Variants in AGBL3 observed in about 807,000 individuals in gnomAD.
AGBL3 encodes the protein cytosolic carboxypeptidase 3.
In AGBL3, 68 loss-of-function variants were observed where a neutral mutation model predicts 94.5. The observed-to-expected ratio is 0.72, with a 90% confidence interval of 0.59 to 0.88. The LOEUF is 0.88. Among genes scored for constraint, AGBL3 ranks in the 40% least tolerant of loss-of-function variants. The pLI is 0.00. For synonymous variants in AGBL3, 354 were observed against 370.7 expected (o/e 0.95, Z 0.52); for missense variants, 934 against 1,103.8 (o/e 0.85, Z 2.18).
In AGBL3 at chr7:135,037,586, C is replaced by A; in HGVS notation, c.1500+6C>A. 1 of 1,533,606 alleles carries A rather than the reference C, an allele frequency of 6.5e-7. No homozygotes were observed. The highest frequency in any genetic ancestry group is 8.8e-7 in the Non-Finnish European group (1 of 1,139,316). The allele number at this position is 1,533,606 out of a possible 1,614,324, so 95.0% of individuals were successfully genotyped here. A position where few individuals can be genotyped will look rare whatever the true frequency, so the allele number is the denominator to read the frequency against. On this transcript the variant is annotated splice_donor_region_variant and intron_variant, in intron 8 of 16. Transcript: ENST00000436302. ...GCAAAAATTGTCCAGATAAAGTAAG[C>A]ACCTTTTAAGGTATTAACTTTTCCT...
chr7:135,000,580 G>A (rs1357842085), intron 4 of AGBL3, among the ~76,000 whole-genome samples: 1 of 152,146 alleles, frequency 6.6e-6, no homozygotes, highest in African/African-American at 2.4e-5. Context: ...AGACTTCTCA[G>A]TCTCCATAAT....
intron 12 of AGBL3, among the ~76,000 whole-genome samples, chr7:135,061,939 A>G (rs1818871693): frequency 6.6e-6 from 1 of 152,094 alleles, no homozygotes; most frequent in African/African-American, 2.4e-5. Flanking sequence ...ATTTTGATAG[A>G]GATTGTATTG....
intron 12 of AGBL3, among the ~76,000 whole-genome samples, chr7:135,068,553 A>G (rs1339699592): frequency 1.3e-5 from 2 of 152,244 alleles, no homozygotes; most frequent in Non-Finnish European, 2.9e-5. Context: ...GAAACTCTAC[A>G]AGCCAGAAGA....
At chr7:135,030,055 T>C (rs556375051) in intron 5 of AGBL3, among the ~76,000 whole-genome samples, 1 of 151,690 alleles carries the variant, frequency 6.6e-6, no homozygotes, top group South Asian at 2.1e-4. Context: ...GAAAAAGTTT[T>C]AAATGTTGTG....
rs962368834 is a variant in AGBL3, at chr7:135,129,050, A to G, written c.2343-5791A>G. Reference sequence around the variant, plus strand: ...TCCAGATCAGAGATGGCCAGGTTCAATGCCTCAACTGCCCAGAACCAAAGT... The same window carrying G: ...TCCAGATCAGAGATGGCCAGGTTCAGTGCCTCAACTGCCCAGAACCAAAGT... On this transcript the variant is annotated intron_variant, in intron 16 of 16. Transcript: ENST00000436302. 8.7e-6 allele frequency: 14 copies of G among 1,608,776 alleles called. No homozygotes were observed. The African/African-American group carries it at 1.9e-4, about 21-fold the overall frequency.
chr7:135,055,867 A>G (rs994643121), intron 11 of AGBL3, among the ~76,000 whole-genome samples: 1 of 152,180 alleles, frequency 6.6e-6, no homozygotes, highest in African/African-American at 2.4e-5. Flanking sequence ...AGAATCCACA[A>G]TAAACCATCT....
At chr7:135,042,929 G>C (rs1157125905) in intron 8 of AGBL3, among the ~76,000 whole-genome samples, 1 of 151,916 alleles carries the variant, frequency 6.6e-6, no homozygotes, top group African/African-American at 2.4e-5. Context: ...AAAACAAAAA[G>C]ATGCATAGAA....
chr7:135,033,688 T>G (rs1481671102), intron 6 of AGBL3, among the ~76,000 whole-genome samples: 1 of 152,222 alleles, frequency 6.6e-6, no homozygotes, highest in Non-Finnish European at 1.5e-5. Context: ...GATCAAATTA[T>G]GTAATCTATG....
rs1458460890 is a variant in AGBL3, at chr7:135,034,746, A to C, written c.1155A>C (p.Ser385=). 1 of 1,551,306 alleles carries C rather than the reference A, an allele frequency of 6.4e-7. No individual in the cohort carries two copies. The change falls in exon 7 of 17, where the codon TCA becomes TCC. Residue 385 remains serine, a synonymous_variant. Coordinates refer to ENST00000436302, the MANE Select transcript of AGBL3 (RefSeq NM_178563.4). ...KGFLDYILGN[S]SDAQLLRDTF... ...TCCTAGATTATATTTTAGGAAACTC[A>C]AGTGATGCACAGTTGCTTCGGGACA... is the stretch of plus-strand genomic sequence containing the variant.
At chr7:134,996,202 A>G (rs1394041900) in intron 4 of AGBL3, among the ~76,000 whole-genome samples, 1 of 152,150 alleles carries the variant, frequency 6.6e-6, no homozygotes, top group African/African-American at 2.4e-5. Flanking sequence ...CAGGGGCCTT[A>G]TTCACACACA....
Position 135,134,877 on chromosome 7 carries a change from C to T in AGBL3, c.2379C>T (p.Tyr793=), listed in dbSNP as rs1829264854. 1 of 1,550,700 alleles carries T rather than the reference C, an allele frequency of 6.4e-7. No homozygotes were observed. ...NPATCRNIKK[Y]STSWTAPRNH... is the part of the protein sequence containing the mutation. ...CTACTTGCAGAAATATAAAGAAATA[C>T]AGCACATCTTGGACAGCACCCAGAA... Residue 793 remains tyrosine (Y), a synonymous_variant, in exon 17 of 17, where the codon TAC becomes TAT. Coordinates refer to ENST00000436302, the MANE Select transcript of AGBL3 (RefSeq NM_178563.4).
chr7:134,997,157 C>T (rs181337210), intron 4 of AGBL3, among the ~76,000 whole-genome samples: 1 of 152,322 alleles, frequency 6.6e-6, no homozygotes, highest in East Asian at 1.9e-4. Flanking sequence ...GGAGCACACA[C>T]AACCTAGATC....
chr7:135,119,736 G>A (rs1226145065), intron 16 of AGBL3, among the ~76,000 whole-genome samples: 5 of 152,046 alleles, frequency 3.3e-5, no homozygotes, highest in African/African-American at 1.2e-4. Flanking sequence ...AATTAGCTGG[G>A]CGTGGCAGCG....
chr7:135,119,926 C>T (rs547273572), intron 16 of AGBL3, among the ~76,000 whole-genome samples: 183 of 152,246 alleles, frequency 1.2e-3, no homozygotes, highest in African/African-American at 4.3e-3. Flanking sequence ...TGACACCTTT[C>T]CTACAGAGGA....
At chr7:135,081,951 C>A (rs1214550276) in intron 15 of AGBL3, among the ~76,000 whole-genome samples, 161 bp downstream of exon 15, 2 of 152,120 alleles carry the variant, frequency 1.3e-5, no homozygotes, top group Admixed American at 6.5e-5. Context: ...AAAGAATATT[C>A]ATCTCATTGT....
intron 16 of AGBL3, among the ~76,000 whole-genome samples, chr7:135,118,084 C>A (rs1826583520): frequency 6.6e-6 from 1 of 152,200 alleles, no homozygotes; most frequent in Admixed American, 6.5e-5. Flanking sequence ...TTCCTGAAGC[C>A]TGGCTGAATT....
At chr7:135,096,353 A>G (rs909268152) in intron 15 of AGBL3, among the ~76,000 whole-genome samples, 22 of 149,680 alleles carry the variant, frequency 1.5e-4, no homozygotes, top group Non-Finnish European at 4.4e-5. Context: ...GAAAGAAAGA[A>G]AGAGAGAGAC....
At chr7:135,053,834 A>G (rs1454764877) in intron 11 of AGBL3, among the ~76,000 whole-genome samples, 2 of 152,300 alleles carry the variant, frequency 1.3e-5, no homozygotes, top group African/African-American at 2.4e-5. Context: ...CATTTAAAAT[A>G]TAGTCTGCCA....
rs1268971782 is a variant in AGBL3 at position 135,096,567 on chromosome 7, AGATAGATAGATAGATACAT to A, written c.2110+14778_2110+14796del. Among the ~76,000 whole-genome samples, 236 of 34,068 alleles carry A rather than the reference AGATAGATAGATAGATACAT, an allele frequency of 6.9e-3. 7 individuals carry two copies. Among genetic ancestry groups the A allele is most frequent in the South Asian group, 0.028 (13 of 466 alleles). The allele number at this position is 34,068 out of a possible 152,430, so 22.3% of individuals were successfully genotyped here. On this transcript the variant is annotated intron_variant, in intron 15 of 16. Coordinates refer to ENST00000436302, the MANE Select transcript of AGBL3 (RefSeq NM_178563.4). ...AAGAAAGAAAGAAAGAAAGATAGAT[AGATAGATAGATAGATACAT>A]AGATAGATAGATAGATAGATAGATA...
Sources: gnomAD v4.1 joint callset for allele counts (sites outside exome capture counted in the v4.1 genomes callset) on GRCh38, gnomAD v4.1.1 for gene constraint, MANE v1.5 for transcripts, NCBI Gene and HGNC (gene_info 2026-07-23, HGNC 2026-07-21) for gene names.